The following CCDC7 variants were observed in gnomAD, a reference collection of about 807,000 sequenced individuals.
CCDC7 encodes the protein coiled-coil domain containing 7.
A neutral mutation model predicts 196.9 loss-of-function variants in CCDC7; 183 were observed. That is an observed-to-expected ratio of 0.93 (90% CI 0.82 to 1.05). The LOEUF (loss-of-function observed/expected upper bound fraction) is 1.05. CCDC7 is among the 50% of genes least tolerant of loss of function. CCDC7 has a pLI of 0.00. For missense variants in CCDC7, 1,540 were observed against 1,482.2 expected (o/e 1.04, Z -0.64); for synonymous variants, 525 against 484.6 (o/e 1.08, Z -1.10).
In CCDC7 at chr10:32,806,193, A is replaced by G. The variant is rs1297389409; in HGVS notation, c.3097+1095A>G. On this transcript the variant is annotated intron_variant, in intron 30 of 41. Coordinates refer to ENST00000639629, the Ensembl canonical transcript of CCDC7. Reference sequence around the variant, plus strand: ...TATCACAGGGGAAAGAGTTTTCGGTAAAATAATCAAGCCAAATCACTGAAG... The same window carrying G: ...TATCACAGGGGAAAGAGTTTTCGGTGAAATAATCAAGCCAAATCACTGAAG... Among the ~76,000 whole-genome samples, 4 of 152,314 alleles carry G rather than the reference A, an allele frequency of 2.6e-5. No homozygotes were observed. The East Asian group carries it at 7.7e-4, about 29-fold the overall frequency.
chr10:32,543,129 CAA>C (rs1179668022), intron 11 of CCDC7, among the ~76,000 whole-genome samples, 169 bp from the exon 13 acceptor site: 2 of 152,290 alleles, frequency 1.3e-5, no homozygotes, highest in Non-Finnish European at 2.9e-5. Flanking sequence ...AGCACTATTA[CAA>C]ACAGACCAGA....
intron 8 of CCDC7, among the ~76,000 whole-genome samples, chr10:32,477,726 A>G (rs1417325845): frequency 1.3e-5 from 2 of 152,156 alleles, no homozygotes; most frequent in African/African-American, 2.4e-5. Flanking sequence ...TGGCAGTGCT[A>G]CATGTCTTGA....
chr10:32,586,078 G>C (rs1033290609), intron 18 of CCDC7, among the ~76,000 whole-genome samples: 1 of 152,192 alleles, frequency 6.6e-6, no homozygotes, highest in African/African-American at 2.4e-5. Context: ...TAATAAATGT[G>C]AGATGATATC....
chr10:32,767,376 A>C (rs1268721103), intron 28 of CCDC7, among the ~76,000 whole-genome samples: 3 of 152,170 alleles, frequency 2.0e-5, no homozygotes, highest in South Asian at 2.1e-4. Flanking sequence ...GATATATTTC[A>C]GGGAGCCAAG....
chr10:32,853,232 A>C (rs1053331002), intron 40 of CCDC7, among the ~76,000 whole-genome samples: 1 of 152,138 alleles, frequency 6.6e-6, no homozygotes, highest in African/African-American at 2.4e-5. Context: ...ATGCTTAAAG[A>C]AAACAAAGAG....
intron 28 of CCDC7, among the ~76,000 whole-genome samples, chr10:32,760,946 G>T (rs1182931643): frequency 2.6e-5 from 4 of 151,868 alleles, no homozygotes; most frequent in Non-Finnish European, 5.9e-5. Context: ...AACTATGAGA[G>T]AAGACCCCAA....
At chr10:32,608,564 CAG>C (rs1316669544) in intron 18 of CCDC7, among the ~76,000 whole-genome samples, 1 of 151,844 alleles carries the variant, frequency 6.6e-6, no homozygotes, top group Non-Finnish European at 1.5e-5. Flanking sequence ...GTTTTTGAGA[CAG>C]AGTCTTGCTC....
chr10:32,724,515 C>G (rs1356258228), intron 25 of CCDC7, among the ~76,000 whole-genome samples: 8 of 152,092 alleles, frequency 5.3e-5, no homozygotes, highest in Non-Finnish European at 7.4e-5. Flanking sequence ...TTCCACTTTT[C>G]CCCATTAAAG....
chr10:32,590,079 G>A (rs2059645479), intron 18 of CCDC7, among the ~76,000 whole-genome samples: 1 of 152,004 alleles, frequency 6.6e-6, no homozygotes, highest in Non-Finnish European at 1.5e-5. Context: ...TGATTCTAAG[G>A]ACTTATTCTT....
intron 33 of CCDC7, among the ~76,000 whole-genome samples, chr10:32,837,518 G>T (rs1353653084): frequency 6.6e-6 from 1 of 152,158 alleles, no homozygotes; most frequent in Non-Finnish European, 1.5e-5. Context: ...ACAGTGTGGT[G>T]ATTCCTCAGG....
chr10:32,481,095 G>A (rs1326217682), intron 8 of CCDC7, among the ~76,000 whole-genome samples: 1 of 151,860 alleles, frequency 6.6e-6, no homozygotes, highest in Non-Finnish European at 1.5e-5. Context: ...AATCTTCTTT[G>A]TCTCTTGTGA....
chr10:32,697,531 C>G (rs1430508862), intron 24 of CCDC7, among the ~76,000 whole-genome samples: 2 of 152,216 alleles, frequency 1.3e-5, no homozygotes, highest in African/African-American at 4.8e-5. Flanking sequence ...TATCCTGCGC[C>G]TCGCTTGGCG....
At chr10:32,601,721 C>G (rs190199943) in intron 18 of CCDC7, among the ~76,000 whole-genome samples, 2 of 151,878 alleles carry the variant, frequency 1.3e-5, no homozygotes, top group Admixed American at 6.6e-5. Context: ...GGATTGTAAA[C>G]TCACCAATCA....
intron 28 of CCDC7, among the ~76,000 whole-genome samples, chr10:32,756,843 A>G (rs1398052711): frequency 6.6e-6 from 1 of 152,234 alleles, no homozygotes; most frequent in East Asian, 1.9e-4. Context: ...AGTGTGCTGT[A>G]TTCAGGAGTC....
intron 28 of CCDC7, among the ~76,000 whole-genome samples, chr10:32,734,430 G>A (rs1470778725): frequency 6.6e-6 from 1 of 152,080 alleles, no homozygotes; most frequent in African/African-American, 2.4e-5. Context: ...AAACACTGGG[G>A]TCTACTTGAG....
chr10:32,839,776 T>A (rs2092852208), intron 33 of CCDC7, among the ~76,000 whole-genome samples: 2 of 151,988 alleles, frequency 1.3e-5, no homozygotes, highest in South Asian at 4.1e-4. Flanking sequence ...TCAGTAAATT[T>A]AAGAAAATCG....
At chr10:32,751,398 A>G (rs2075635107) in intron 28 of CCDC7, among the ~76,000 whole-genome samples, 1 of 152,102 alleles carries the variant, frequency 6.6e-6, no homozygotes, top group Non-Finnish European at 1.5e-5. Context: ...CCAAATGCCA[A>G]GATGGCAGTC....
At chr10:32,576,248 T>TGTTGTGC (rs2058165659) in intron 16 of CCDC7, among the ~76,000 whole-genome samples, 1 of 151,742 alleles carries the variant, frequency 6.6e-6, no homozygotes, top group African/African-American at 2.4e-5. Context: ...CTGTTGCTTT[T>TGTTGTGC]AAATGAGCAA....
At chr10:32,651,452 G>C (rs2068746390) in intron 20 of CCDC7, among the ~76,000 whole-genome samples, 1 of 152,296 alleles carries the variant, frequency 6.6e-6, no homozygotes, top group South Asian at 2.1e-4. Context: ...GTTCCTGGTT[G>C]CGTCTAGTCA....
Sources: allele counts gnomAD v4.1 joint callset (sites outside exome capture counted in the v4.1 genomes callset), GRCh38; gene constraint gnomAD v4.1.1; transcripts MANE v1.5; gene names NCBI Gene and HGNC (gene_info 2026-07-23, HGNC 2026-07-21).